Variants in ATOH8 observed in about 807,000 individuals in gnomAD.
ATOH8 encodes the protein atonal bHLH transcription factor 8.
A neutral mutation model predicts 21.2 loss-of-function variants in ATOH8; 9 were observed. The observed-to-expected ratio is 0.42, with a 90% CI of 0.26 to 0.74. The LOEUF (loss-of-function observed/expected upper bound fraction) is 0.74. Among genes scored for constraint, ATOH8 ranks in the 30% least tolerant of loss-of-function variants. The pLI, the probability that ATOH8 is intolerant of heterozygous loss-of-function variation, is 0.24. For synonymous variants in ATOH8, 253 were observed against 224.0 expected (o/e 1.13, Z -1.16); for missense variants, 524 against 470.9 (o/e 1.11, Z -1.04).
At chr2:85,762,060 C>G (rs1262708431) in intron 1 of ATOH8, among the ~76,000 whole-genome samples, 1 of 152,210 alleles carries the variant, frequency 6.6e-6, no homozygotes, top group Non-Finnish European at 1.5e-5. Context: ...TCTGGCTTCT[C>G]ACCTCCTCTG....
chr2:85,775,928 C>G (rs1197344228), intron 2 of ATOH8, among the ~76,000 whole-genome samples: 1 of 152,196 alleles, frequency 6.6e-6, no homozygotes, highest in Non-Finnish European at 1.5e-5. Context: ...CTTGCCCAGT[C>G]CTCACCACAG....
intron 2 of ATOH8, chr2:85,772,770 C>G (rs986867995): frequency 3.1e-5 from 14 of 456,828 alleles, no homozygotes; most frequent in African/African-American, 2.4e-4. Flanking sequence ...TCTTGTTTCT[C>G]AGGCGCCGCT....
intron 2 of ATOH8, among the ~76,000 whole-genome samples, chr2:85,770,234 C>T (rs533046663): frequency 7.2e-5 from 11 of 152,266 alleles, no homozygotes; most frequent in South Asian, 6.2e-4. Flanking sequence ...GTCCGGGGCT[C>T]CCTGAGCCCA....
chr2:85,787,078 A>G lies in ATOH8; in HGVS notation c.*188A>G, dbSNP rs572744239. ...TCTCCCCTCCGCCCTCACCCAGCCA[A>G]TCCGAGGCTGCTTCGCACTTTGCCC... On this transcript the variant is annotated 3_prime_UTR_variant, in exon 3 of 3. Transcript: ENST00000306279. 5.8e-6 allele frequency: 4 copies of G among 689,474 alleles called. No homozygotes were observed. In the East Asian group the frequency reaches 1.1e-4, roughly 19 times the overall value. 42.7% of individuals were successfully genotyped at this position (689,474 alleles called of 1,614,324 possible). A position where few individuals can be genotyped will look rare whatever the true frequency, so the allele number is the denominator to read the frequency against.
chr2:85,768,084 A>G (rs1680071165), intron 2 of ATOH8, among the ~76,000 whole-genome samples: 1 of 152,168 alleles, frequency 6.6e-6, no homozygotes, highest in Admixed American at 6.5e-5. Flanking sequence ...TCTGAATGAT[A>G]TTACGAGTGT....
At chr2:85,762,437 T>A (rs1032531466) in intron 1 of ATOH8, among the ~76,000 whole-genome samples, 1 of 152,222 alleles carries the variant, frequency 6.6e-6, no homozygotes, top group Non-Finnish European at 1.5e-5. Context: ...ATTGCCTTAA[T>A]CAACAAACCC....
Position 85,754,009 on chromosome 2 carries a change from T to C in ATOH8, c.-181T>C, listed in dbSNP as rs1471786286. On this transcript the variant is annotated 5_prime_UTR_variant, in exon 1 of 3. Transcript: ENST00000306279. ...CGACTTCAGATGACACTCTGAGCGC[T>C]CCGGGAACGGACAGCCCGGCGGCTT... 4.9e-6 allele frequency: 3 copies of C among 614,118 alleles called. No homozygotes were observed. Among genetic ancestry groups the C allele is most frequent in the East Asian group, 3.5e-5 (1 of 28,372 alleles). 38.0% of individuals were successfully genotyped at this position (614,118 alleles called of 1,614,324 possible). A position where few individuals can be genotyped will look rare whatever the true frequency, so the allele number is the denominator to read the frequency against.
At chr2:85,771,743 C>T (rs1207180562) in intron 2 of ATOH8, among the ~76,000 whole-genome samples, 3 of 152,224 alleles carry the variant, frequency 2.0e-5, no homozygotes, top group Non-Finnish European at 4.4e-5. Context: ...ACTGCCACCA[C>T]CAAGCACATC....
intron 2 of ATOH8, among the ~76,000 whole-genome samples, chr2:85,771,021 A>G (rs1427210104): frequency 1.3e-5 from 2 of 152,114 alleles, no homozygotes; most frequent in Non-Finnish European, 2.9e-5. Context: ...CTCTGAGCCA[A>G]GATTCCCCTC....
rs145671128 is a variant in ATOH8 at position 85,775,080 on chromosome 2, G to T, written c.960+10898G>T. On this transcript the variant is annotated intron_variant, in intron 2 of 2. Coordinates refer to ENST00000306279, the MANE Select transcript of ATOH8 (RefSeq NM_032827.7). The stretch of plus-strand genomic sequence containing the variant: ...TGAAACTCTATTATGTGATATATTA[G>T]ATTTCATGTCATTACATTGTATTAT... The T allele has an allele frequency of 7.3e-6, 7 of 956,358 alleles. No homozygotes were observed. The East Asian group carries it at 6.9e-4, about 94-fold the overall frequency. The allele number at this position is 956,358 out of a possible 1,614,324, so 59.2% of individuals were successfully genotyped here.
intron 1 of ATOH8, among the ~76,000 whole-genome samples, chr2:85,755,465 C>T (rs959468749): frequency 3.9e-4 from 60 of 152,292 alleles, no homozygotes; most frequent in African/African-American, 1.4e-3. Flanking sequence ...GCACTCCTTG[C>T]CCTGGCATCC....
chr2:85,782,940 C>T (rs1467862973), intron 2 of ATOH8, among the ~76,000 whole-genome samples: 3 of 152,214 alleles, frequency 2.0e-5, no homozygotes, highest in Non-Finnish European at 4.4e-5. Flanking sequence ...AACAGATCCT[C>T]CTGCTTTGGC....
intron 2 of ATOH8, among the ~76,000 whole-genome samples, chr2:85,779,079 G>C (rs1680413690): frequency 6.6e-6 from 1 of 151,906 alleles, no homozygotes; most frequent in South Asian, 2.1e-4. Context: ...CAGCCTGGGT[G>C]CCCCCTCCAG....
chr2:85,785,595 A>G lies in ATOH8; in HGVS notation c.961-1290A>G, dbSNP rs1680605682. ...AGGGCCTGTGGTTAGCAGGCCCTCCACGTCGTGGTTTGGCTCCATCCTGGC... is the reference window on the plus strand; with the variant it reads ...AGGGCCTGTGGTTAGCAGGCCCTCCGCGTCGTGGTTTGGCTCCATCCTGGC... On this transcript the variant is annotated intron_variant, in intron 2 of 2. Coordinates refer to ENST00000306279, the MANE Select transcript of ATOH8 (RefSeq NM_032827.7). The surrounding 1 kb of genome is among the most constrained non-coding windows in gnomAD (Gnocchi z 4.1). Among the ~76,000 whole-genome samples the G allele has an allele frequency of 6.6e-6, 1 of 151,938 alleles. No individual in the cohort carries two copies. Among genetic ancestry groups the G allele is most frequent in the Non-Finnish European group, 1.5e-5 (1 of 67,954 alleles).
intron 2 of ATOH8, among the ~76,000 whole-genome samples, chr2:85,770,070 C>T (rs1166463493): frequency 2.6e-5 from 4 of 152,200 alleles, no homozygotes; most frequent in African/African-American, 7.2e-5. Context: ...GACCTCAGGG[C>T]GGTTTGCCCT....
At chr2:85,775,029 G>A in intron 2 of ATOH8, 1 of 985,208 alleles carries the variant, frequency 1.0e-6, no homozygotes, top group Non-Finnish European at 1.2e-6. Flanking sequence ...TGCTTTTAAA[G>A]TAATGAGTTA....
intron 2 of ATOH8, among the ~76,000 whole-genome samples, chr2:85,767,361 C>T (rs1005120133): frequency 3.9e-5 from 6 of 151,912 alleles, no homozygotes; most frequent in African/African-American, 1.5e-4. Flanking sequence ...AGCGCTCAGT[C>T]CTGCCACACC....
intron 2 of ATOH8, among the ~76,000 whole-genome samples, chr2:85,784,781 A>T (rs1680581118): frequency 1.3e-5 from 2 of 152,244 alleles, no homozygotes; most frequent in African/African-American, 2.4e-5. Flanking sequence ...ATGAAGGCAC[A>T]GAGCGGGAGA....
chr2:85,759,358 A>G (rs2104498633), intron 1 of ATOH8, among the ~76,000 whole-genome samples: 1 of 152,204 alleles, frequency 6.6e-6, no homozygotes, highest in Non-Finnish European at 1.5e-5. Context: ...GTCCAAAGTC[A>G]CCAGGGTGGC....
Sources: allele counts gnomAD v4.1 joint callset (sites outside exome capture counted in the v4.1 genomes callset), GRCh38; gene constraint gnomAD v4.1.1; non-coding constraint Gnocchi (gnomAD v3.1); transcripts MANE v1.5; gene names NCBI Gene and HGNC (gene_info 2026-07-23, HGNC 2026-07-21).